Variants in AATF observed in about 807,000 individuals in gnomAD.
AATF encodes the protein apoptosis antagonizing transcription factor, also known as protein AATF.
A neutral mutation model predicts 63.7 loss-of-function variants in AATF; 48 were observed. The observed-to-expected ratio is 0.75, with a 90% CI of 0.60 to 0.96. The LOEUF is 0.96. Among genes scored for constraint, AATF ranks in the 40% least tolerant of loss-of-function variants. AATF has a pLI of 0.00. For synonymous variants in AATF, 258 were observed against 247.7 expected (o/e 1.04, Z -0.39); for missense variants, 639 against 685.7 (o/e 0.93, Z 0.76).
Position 36,990,791 on chromosome 17 carries a change from C to T in AATF, c.1332C>T (p.Ala444=). 1.9e-6 allele frequency: 3 copies of T among 1,592,170 alleles called. No homozygotes were observed. The highest frequency in any genetic ancestry group is 2.6e-6 in the Non-Finnish European group (3 of 1,172,296). Residue 444 remains alanine (A), a synonymous_variant, in exon 8 of 12, where the codon GCC becomes GCT. Coordinates refer to ENST00000619387, the MANE Select transcript of AATF (RefSeq NM_012138.4). Reference sequence around the variant, plus strand: ...TAACATAGGAGATCCTTCCTCAAGCCCCTGCTAATGCTCATCTGAAGGACT... The same window carrying T: ...TAACATAGGAGATCCTTCCTCAAGCTCCTGCTAATGCTCATCTGAAGGACT... ...LPGEPEILPQ[A]PANAHLKDLD...
At chr17:36,950,077 G>C in intron 1 of AATF, 137 bp from the exon 2 acceptor site, 1 of 944,150 alleles carries the variant, frequency 1.1e-6, no homozygotes, top group Non-Finnish European at 1.6e-6. Flanking sequence ...TTGGGAGAGA[G>C]TGAATTTCCT....
chr17:37,014,798 G>A (rs1328344257), intron 8 of AATF, among the ~76,000 whole-genome samples: 1 of 152,086 alleles, frequency 6.6e-6, no homozygotes, highest in Non-Finnish European at 1.5e-5. Context: ...GTCTTGTCTT[G>A]CAAATAAGCA....
At chr17:36,981,684 C>A (rs1249037505) in intron 4 of AATF, among the ~76,000 whole-genome samples, 1 of 141,464 alleles carries the variant, frequency 7.1e-6, no homozygotes, top group African/African-American at 2.7e-5. Context: ...CTTCTTTCTT[C>A]TTCTTCTTCT....
rs779498339 is a variant in AATF at position 37,006,496 on chromosome 17, CACTT to C, written c.1399-12507_1399-12504del. On this transcript the variant is annotated intron_variant, in intron 8 of 11. Coordinates refer to ENST00000619387, the MANE Select transcript of AATF (RefSeq NM_012138.4). The stretch of plus-strand genomic sequence containing the variant: ...AAAAAAAAGAATTGCATAAGTCAGT[CACTT>C]AGTCCTTGTAAAATTCCTTTTATTT... Among the ~76,000 whole-genome samples the C allele has an allele frequency of 7.2e-5, 11 of 152,262 alleles. No homozygotes were observed. In the South Asian group the frequency reaches 1.5e-3, roughly 20 times the overall value.
intron 4 of AATF, among the ~76,000 whole-genome samples, chr17:36,964,718 G>A (rs1249125419): frequency 6.6e-6 from 1 of 151,910 alleles, no homozygotes; most frequent in African/African-American, 2.4e-5. Flanking sequence ...GCTATTTTCA[G>A]TTCGCTTCCT....
In AATF at chr17:36,956,874, G is replaced by C. The variant is rs563227700; in HGVS notation, c.832+2967G>C. 3.9e-5 allele frequency among the ~76,000 whole-genome samples: 6 copies of C among 152,224 alleles called. No individual in the cohort carries two copies. The East Asian group carries it at 1.2e-3, about 29-fold the overall frequency. ...CACTTGTAGTCCCAGCTACTTGGGA[G>C]GTTGAGGCAGGAGAATCACTTGAAC... On this transcript the variant is annotated intron_variant, in intron 4 of 11. Transcript: ENST00000619387.
At chr17:36,967,820 G>T (rs1253758165) in intron 4 of AATF, among the ~76,000 whole-genome samples, 1 of 148,974 alleles carries the variant, frequency 6.7e-6, no homozygotes, top group African/African-American at 2.5e-5. Flanking sequence ...TTCTAAAGTT[G>T]CAATTGGTAA....
At chr17:37,021,761 C>T (rs544258271) in intron 10 of AATF, among the ~76,000 whole-genome samples, 3 of 84,712 alleles carry the variant, frequency 3.5e-5, no homozygotes, top group African/African-American at 1.2e-4. Flanking sequence ...GCCGAGATCG[C>T]GCCACTGCAC....
Position 36,988,635 on chromosome 17 carries a change from G to T in AATF, c.1064G>T (p.Arg355Leu). Residue 355 changes from arginine (R) to leucine (L), a missense_variant, in exon 6 of 12, where the codon CGC (arginine) becomes CTC (leucine). Coordinates refer to ENST00000619387, the MANE Select transcript of AATF (RefSeq NM_012138.4). ...MEDYPSFMAK[R>L]FADFTVYRNR... ...GACTATCCCAGCTTCATGGCAAAGC[G>T]CTTTGCCGACTTTACAGTCTACAGG... The T allele has an allele frequency of 6.2e-7, 1 of 1,614,166 alleles. No homozygotes were observed.
intron 8 of AATF, chr17:36,999,285 T>G (rs771546107): frequency 3.3e-5 from 5 of 152,230 alleles, no homozygotes; most frequent in Non-Finnish European, 7.3e-5. Context: ...ATTTCTTTTT[T>G]CCTTCATTCA....
chr17:37,041,024 T>C (rs1365720960), intron 11 of AATF, among the ~76,000 whole-genome samples: 1 of 152,152 alleles, frequency 6.6e-6, no homozygotes, highest in African/African-American at 2.4e-5. Flanking sequence ...ATAAAAATAG[T>C]GCATGCTTAT....
intron 4 of AATF, among the ~76,000 whole-genome samples, chr17:36,961,468 A>G (rs1211926155): frequency 6.6e-6 from 1 of 152,222 alleles, no homozygotes; most frequent in Non-Finnish European, 1.5e-5. Flanking sequence ...ATCAATATAA[A>G]AATCTTAATG....
At chr17:37,019,585 C>T (rs930189294) in intron 9 of AATF, among the ~76,000 whole-genome samples, 2 of 152,108 alleles carry the variant, frequency 1.3e-5, no homozygotes, top group African/African-American at 2.4e-5. Context: ...GAAGGAAGGC[C>T]CTTGTGTGTA....
At chr17:37,034,750 A>G (rs2071577380) in intron 11 of AATF, 2 of 152,212 alleles carry the variant, frequency 1.3e-5, no homozygotes, top group South Asian at 4.1e-4. Flanking sequence ...ATATTTTTCT[A>G]CTATGTAAAG....
At position 37,031,672 on chromosome 17, in the gene AATF, A is replaced by G; in HGVS notation, c.1606A>G (p.Asn536Asp). ...GGCACCTATTGACCATACTACAATGAATGATGATGCCAGGTGAGTAATAGA... is the reference window on the plus strand; with the variant it reads ...GGCACCTATTGACCATACTACAATGGATGATGATGCCAGGTGAGTAATAGA... ...FMAPIDHTTM[N>D]DDARTELYRS... The change falls in exon 11 of 12, where the codon AAT becomes GAT. Residue 536 changes from asparagine to aspartate, a missense_variant. Coordinates refer to ENST00000619387, the MANE Select transcript of AATF (RefSeq NM_012138.4). 1 of 1,613,950 alleles carries G rather than the reference A, an allele frequency of 6.2e-7. No individual in the cohort carries two copies. The highest frequency in any genetic ancestry group is 8.5e-7 in the Non-Finnish European group (1 of 1,179,806).
chr17:36,965,538 G>C (rs1436878579), intron 4 of AATF, among the ~76,000 whole-genome samples: 1 of 152,140 alleles, frequency 6.6e-6, no homozygotes, highest in Non-Finnish European at 1.5e-5. Flanking sequence ...TGGGGTTTAG[G>C]ATGTAGATAT....
chr17:37,013,328 A>G lies in AATF; in HGVS notation c.1399-5677A>G, dbSNP rs1051323580. Among the ~76,000 whole-genome samples the G allele has an allele frequency of 5.3e-5, 8 of 152,190 alleles. No individual in the cohort carries two copies. The South Asian group carries it at 6.2e-4, about 12-fold the overall frequency. ...TGTTTACATTATTATTACTAAGTAAATGTTGTTCTCAAGTGTCTTAGTCTG... is the reference window on the plus strand; with the variant it reads ...TGTTTACATTATTATTACTAAGTAAGTGTTGTTCTCAAGTGTCTTAGTCTG... On this transcript the variant is annotated intron_variant, in intron 8 of 11. Transcript: ENST00000619387.
chr17:36,989,748 TCAA>T (rs941615054), intron 7 of AATF, among the ~76,000 whole-genome samples: 2 of 152,212 alleles, frequency 1.3e-5, no homozygotes, highest in African/African-American at 4.8e-5. Flanking sequence ...TACTTTAGGC[TCAA>T]CGTTTGCCAT....
At chr17:36,996,901 G>A (rs557391261) in intron 8 of AATF, among the ~76,000 whole-genome samples, 25 of 152,122 alleles carry the variant, frequency 1.6e-4, no homozygotes, top group African/African-American at 5.1e-4. Flanking sequence ...CTACTACTTC[G>A]TTTAAACAAA....
Sources: gnomAD v4.1 joint callset for allele counts (sites outside exome capture counted in the v4.1 genomes callset) on GRCh38, gnomAD v4.1.1 for gene constraint, MANE v1.5 for transcripts, NCBI Gene and HGNC (gene_info 2026-07-23, HGNC 2026-07-21) for gene names.